The following RABGAP1L variants were observed in gnomAD, a reference collection of about 807,000 sequenced individuals.
RABGAP1L encodes RAB GTPase activating protein 1 like, also known as rab GTPase-activating protein 1-like.
RABGAP1L carries 63 observed loss-of-function variants against 137.7 expected under a neutral mutation model. The observed-to-expected ratio is 0.46, with a 90% CI of 0.37 to 0.56. RABGAP1L has a LOEUF of 0.56. Among genes scored for constraint, RABGAP1L ranks in the 20% least tolerant of loss-of-function variants. The pLI is 0.00. For synonymous variants in RABGAP1L, 431 were observed against 433.7 expected (o/e 0.99, Z 0.08); for missense variants, 1,095 against 1,244.0 (o/e 0.88, Z 1.80).
chr1:174,917,574 A>G (rs1471063298), intron 19 of RABGAP1L, among the ~76,000 whole-genome samples: 2 of 152,230 alleles, frequency 1.3e-5, no homozygotes, highest in Non-Finnish European at 2.9e-5. Flanking sequence ...CAATCACTGC[A>G]GATCTAAGCT....
At chr1:174,566,037 T>G (rs1054641380) in intron 13 of RABGAP1L, among the ~76,000 whole-genome samples, 5 of 152,128 alleles carry the variant, frequency 3.3e-5, no homozygotes, top group African/African-American at 1.2e-4. Flanking sequence ...GGCACATACA[T>G]GCCACCACAT....
intron 17 of RABGAP1L, among the ~76,000 whole-genome samples, chr1:174,703,915 G>A (rs374785335): frequency 3.4e-4 from 51 of 152,116 alleles, no homozygotes; most frequent in East Asian, 1.9e-3. Context: ...TCCTTTGCCC[G>A]CTTTTTAATG....
chr1:174,324,225 C>T (rs1680251677), intron 11 of RABGAP1L, among the ~76,000 whole-genome samples: 1 of 151,898 alleles, frequency 6.6e-6, no homozygotes, highest in African/African-American at 2.4e-5. Context: ...AAATGACTAC[C>T]TCAAAATGTA....
At chr1:174,696,409 C>T (rs1442251451) in intron 15 of RABGAP1L, among the ~76,000 whole-genome samples, 1 of 152,152 alleles carries the variant, frequency 6.6e-6, no homozygotes, top group African/African-American at 2.4e-5. Context: ...GATCCCTTGG[C>T]TACCCCAGCT....
intron 13 of RABGAP1L, among the ~76,000 whole-genome samples, chr1:174,626,750 G>C (rs541126933): frequency 6.6e-6 from 1 of 152,172 alleles, no homozygotes; most frequent in African/African-American, 2.4e-5. Flanking sequence ...TAGCATGTTT[G>C]CAACTAGAGT....
intron 19 of RABGAP1L, among the ~76,000 whole-genome samples, chr1:174,834,197 C>A (rs1451052374): frequency 6.6e-6 from 1 of 151,978 alleles, no homozygotes; most frequent in Non-Finnish European, 1.5e-5. Context: ...GAGGCCAAGG[C>A]GGGAAGATCA....
intron 19 of RABGAP1L, among the ~76,000 whole-genome samples, chr1:174,879,100 G>GTTT (rs75370052): frequency 2.6e-5 from 3 of 116,378 alleles, no homozygotes; most frequent in South Asian, 2.8e-4. Context: ...ACGCCTGGCT[G>GTTT]TTTTTTTTTT....
chr1:174,967,446 T>TC (rs1444961180), intron 20 of RABGAP1L, among the ~76,000 whole-genome samples: 1 of 151,434 alleles, frequency 6.6e-6, no homozygotes, highest in Non-Finnish European at 1.5e-5. Context: ...CAAGCAATTC[T>TC]CCTGCCTCAG....
At chr1:174,960,882 G>A (rs1372405485) in intron 20 of RABGAP1L, among the ~76,000 whole-genome samples, 2 of 152,100 alleles carry the variant, frequency 1.3e-5, no homozygotes, top group African/African-American at 4.8e-5. Flanking sequence ...AACATATGTT[G>A]TACATTATAT....
intron 13 of RABGAP1L, among the ~76,000 whole-genome samples, chr1:174,443,763 T>C (rs1206625097): frequency 2.6e-5 from 4 of 152,110 alleles, no homozygotes; most frequent in Non-Finnish European, 5.9e-5. Context: ...CCAAAACCAA[T>C]GTCCTGAAGC....
In RABGAP1L at chr1:174,761,571, G is replaced by A. The variant is rs1573068054; in HGVS notation, c.2211+9217G>A. On this transcript the variant is annotated intron_variant, in intron 18 of 25. Coordinates refer to ENST00000681986, the MANE Select transcript of RABGAP1L (RefSeq NM_001366446.1). This position sits in a 1 kb window ranked among gnomAD's most constrained non-coding sequence, Gnocchi z 4.0. Reference sequence around the variant, plus strand: ...GATGGTGGGGCCGCCTAGCAGAGGCGCTCCTCATTTTTCAGACGGTGCGGC... The same window carrying A: ...GATGGTGGGGCCGCCTAGCAGAGGCACTCCTCATTTTTCAGACGGTGCGGC... Among the ~76,000 whole-genome samples, 1 of 151,906 alleles carries A rather than the reference G, an allele frequency of 6.6e-6. No individual in the cohort carries two copies. Among genetic ancestry groups the A allele is most frequent in the Non-Finnish European group, 1.5e-5 (1 of 67,930 alleles).
intron 1 of RABGAP1L, among the ~76,000 whole-genome samples, chr1:174,186,659 A>T (rs1206399532): frequency 6.6e-6 from 1 of 152,200 alleles, no homozygotes; most frequent in African/African-American, 2.4e-5. Flanking sequence ...TCAGTTCTAC[A>T]TCTGCTAGTA....
chr1:174,973,651 C>T (rs558044606), intron 21 of RABGAP1L, among the ~76,000 whole-genome samples: 2 of 152,218 alleles, frequency 1.3e-5, no homozygotes, highest in East Asian at 3.9e-4. Context: ...TCCCAAAGTG[C>T]TGGGATTACA....
In RABGAP1L at chr1:174,394,026, C is replaced by G. The variant is rs1478163179; in HGVS notation, c.1591C>G (p.Leu531Val). 6 of 1,613,498 alleles carry G rather than the reference C, an allele frequency of 3.7e-6. No individual in the cohort carries two copies. In the African/African-American group the frequency reaches 8.0e-5, roughly 22 times the overall value. ...TAACCTTGGTGCACGACCGAAAGGG[C>G]TGTCTACTCTGGTGAAGAGTGGTGT... The part of the protein sequence containing the change: ...HSNLGARPKG[L>V]STLVKSGVPE... Residue 531 changes from leucine to valine, a missense_variant, in exon 13 of 26, where the codon CTG (leucine) becomes GTG (valine). By Grantham distance (32) the Leu-to-Val change is conservative. Coordinates refer to ENST00000681986, the MANE Select transcript of RABGAP1L (RefSeq NM_001366446.1).
intron 14 of RABGAP1L, among the ~76,000 whole-genome samples, chr1:174,649,220 C>T (rs559204079): frequency 8.5e-5 from 13 of 152,094 alleles, no homozygotes; most frequent in South Asian, 4.2e-4. Flanking sequence ...AATATTGTTA[C>T]GTGTGAATTT....
chr1:174,965,358 T>C (rs1669522786), intron 20 of RABGAP1L, among the ~76,000 whole-genome samples: 2 of 152,192 alleles, frequency 1.3e-5, no homozygotes, highest in South Asian at 2.1e-4. Flanking sequence ...ACTGAGGTTA[T>C]TGGGGCTGAC....
rs1395506412 is a variant in RABGAP1L, at chr1:174,762,715, A to C, written c.2211+10361A>C. On this transcript the variant is annotated intron_variant, in intron 18 of 25. Transcript: ENST00000681986. Reference sequence around the variant, plus strand: ...TACTGACTTAGAGTCAAATTGAGAAAGCATAGGTTTTCTTTTCCCTCACTT... The same window carrying C: ...TACTGACTTAGAGTCAAATTGAGAACGCATAGGTTTTCTTTTCCCTCACTT... Among the ~76,000 whole-genome samples the C allele has an allele frequency of 2.0e-5, 3 of 152,196 alleles. No individual in the cohort carries two copies. The East Asian group carries it at 5.8e-4, about 29-fold the overall frequency.
At chr1:174,440,682 A>C (rs1172178326) in intron 13 of RABGAP1L, among the ~76,000 whole-genome samples, 1 of 151,990 alleles carries the variant, frequency 6.6e-6, no homozygotes, top group African/African-American at 2.4e-5. Context: ...CAGCCTCCTG[A>C]GTAGCTGGGA....
intron 11 of RABGAP1L, among the ~76,000 whole-genome samples, chr1:174,329,570 T>TA (rs1279209341): frequency 2.0e-5 from 3 of 151,738 alleles, no homozygotes; most frequent in Admixed American, 6.6e-5. Context: ...AGTATAGTTG[T>TA]AAAAAAAATA....
Sources: allele counts gnomAD v4.1 joint callset (sites outside exome capture counted in the v4.1 genomes callset), GRCh38; gene constraint gnomAD v4.1.1; non-coding constraint Gnocchi (gnomAD v3.1); transcripts MANE v1.5; gene names NCBI Gene and HGNC (gene_info 2026-07-23, HGNC 2026-07-21).